The following SULT1E1 variants were observed in gnomAD, a reference collection of about 807,000 sequenced individuals.
SULT1E1 encodes sulfotransferase family 1E member 1, also known as sulfotransferase 1E1.
SULT1E1 carries 36 observed loss-of-function variants against 33.6 expected under a neutral mutation model. The observed-to-expected ratio is 1.07, with a 90% CI of 0.82 to 1.41. SULT1E1 has a LOEUF of 1.41. Among genes scored for constraint, SULT1E1 ranks in the 40% most tolerant of loss-of-function variants. The pLI is 0.00. For synonymous variants in SULT1E1, 121 were observed against 111.7 expected (o/e 1.08, Z -0.53); for missense variants, 371 against 345.7 (o/e 1.07, Z -0.58).
At chr4:69,851,567 G>A (rs1419440426) in intron 4 of SULT1E1, among the ~76,000 whole-genome samples, 2 of 152,254 alleles carry the variant, frequency 1.3e-5, no homozygotes, top group East Asian at 3.9e-4. Context: ...TCAGTATGGC[G>A]ATCCCTCAGG....
downstream of SULT1E1, among the ~76,000 whole-genome samples, chr4:69,837,086 CA>C (rs3077549): frequency 0.034 from 4,951 of 145,206 alleles, 249 homozygotes; most frequent in African/African-American, 0.11. Context: ...CTCCCTGTCT[CA>C]AAAAAAAAAA....
chr4:69,857,492 A>G lies in SULT1E1; in HGVS notation c.145+8T>C, dbSNP rs1390160944. On this transcript the variant is annotated splice_region_variant and intron_variant, in intron 2 of 7. Transcript: ENST00000226444. The stretch of plus-strand genomic sequence containing the variant: ...TTTAGGTGAAAAAAGAACAACAAAG[A>G]GATTTACCAGATTTAGGGTAGGTGG... The G allele has an allele frequency of 6.3e-7, 1 of 1,584,270 alleles. No individual in the cohort carries two copies.
intron 4 of SULT1E1, among the ~76,000 whole-genome samples, chr4:69,852,296 A>T (rs1721140693): frequency 6.6e-6 from 1 of 152,014 alleles, no homozygotes; most frequent in African/African-American, 2.4e-5. Flanking sequence ...GTGTAATTTT[A>T]TTGTTGGTGT....
the SULT1E1 span, among the ~76,000 whole-genome samples, chr4:69,827,887 A>T: frequency 1.3e-5 from 2 of 152,212 alleles, 1 homozygote; most frequent in Admixed American, 1.3e-4. Context: ...ACTTTAAAAA[A>T]GATTGTCCAA....
the SULT1E1 span, among the ~76,000 whole-genome samples, chr4:69,821,160 A>T: frequency 8.5e-5 from 13 of 152,224 alleles, no homozygotes; most frequent in African/African-American, 3.1e-4. Context: ...AAATTCCAAC[A>T]GAATATCATC....
intron 4 of SULT1E1, among the ~76,000 whole-genome samples, chr4:69,851,785 T>A (rs1483550468): frequency 6.6e-6 from 1 of 152,170 alleles, no homozygotes; most frequent in African/African-American, 2.4e-5. Context: ...CATAGAATAC[T>A]ATGCAGCCAT....
intron 2 of SULT1E1, 22 bp from the exon 3 acceptor site, chr4:69,855,448 G>C (rs760617116): frequency 6.3e-7 from 1 of 1,599,820 alleles, no homozygotes; most frequent in Admixed American, 1.7e-5. Context: ...AAATAAACCT[G>C]AGTCTCCTGC....
At chr4:69,843,650 T>A (rs1436725353) in intron 7 of SULT1E1, among the ~76,000 whole-genome samples, 1 of 152,182 alleles carries the variant, frequency 6.6e-6, no homozygotes, top group African/African-American at 2.4e-5. Flanking sequence ...CCAAATAGAA[T>A]TTTTTTCTCC....
chr4:69,830,596 G>A, the SULT1E1 span, among the ~76,000 whole-genome samples: 2 of 152,162 alleles, frequency 1.3e-5, no homozygotes, highest in African/African-American at 4.8e-5. Context: ...TGCTGCAGCT[G>A]GGATGCGTCA....
rs1430219567 is a variant in SULT1E1 at position 69,841,263 on chromosome 4, CTG to C, written c.*729_*730del. On this transcript the variant is annotated 3_prime_UTR_variant, in exon 8 of 8. Transcript: ENST00000226444. ...ATACAACTCTAACAAGATGAATAAT[CTG>C]TGTTACTACATCATTCCCATAGGTT... 6.6e-6 allele frequency: 1 copy of C among 151,976 alleles called. No individual in the cohort carries two copies. Among genetic ancestry groups the C allele is most frequent in the Non-Finnish European group, 1.5e-5 (1 of 67,998 alleles). 9.4% of individuals were successfully genotyped at this position (151,976 alleles called of 1,614,324 possible). A position where few individuals can be genotyped will look rare whatever the true frequency, so the allele number is the denominator to read the frequency against.
chr4:69,844,470 C>A (rs866607540), intron 6 of SULT1E1, 129 bp from the exon 7 acceptor site: 6 of 690,718 alleles, frequency 8.7e-6, no homozygotes, highest in African/African-American at 1.9e-5. Context: ...AATGAGAAAT[C>A]TAATTGGGGG....
At chr4:69,836,390 A>G (rs761030947), downstream of SULT1E1, among the ~76,000 whole-genome samples, 7 of 152,192 alleles carry the variant, frequency 4.6e-5, no homozygotes, top group Admixed American at 1.3e-4. Context: ...TTATAGAGAC[A>G]TTCTAAGGTT....
At chr4:69,825,513 T>C in the SULT1E1 span, among the ~76,000 whole-genome samples, 1 of 152,172 alleles carries the variant, frequency 6.6e-6, no homozygotes, top group African/African-American at 2.4e-5. Context: ...CAGGCACCTG[T>C]TGGCCAGTTA....
the SULT1E1 span, among the ~76,000 whole-genome samples, chr4:69,831,655 A>G: frequency 1.1e-4 from 16 of 152,268 alleles, no homozygotes; most frequent in Non-Finnish European, 1.6e-4. Context: ...CTGTCCCCAC[A>G]TTTCCTCCCT....
chr4:69,848,097 TGTG>T (rs1488693351), intron 5 of SULT1E1, among the ~76,000 whole-genome samples: 1 of 151,390 alleles, frequency 6.6e-6, no homozygotes, highest in East Asian at 1.9e-4. Flanking sequence ...GGTGTGTGTG[TGTG>T]TGTGTGTGTG....
At chr4:69,824,979 A>G in the SULT1E1 span, among the ~76,000 whole-genome samples, 1 of 152,168 alleles carries the variant, frequency 6.6e-6, no homozygotes, top group Non-Finnish European at 1.5e-5. Flanking sequence ...CACTACTTTT[A>G]AGAGCTGTAA....
At chr4:69,834,181 T>A in the SULT1E1 span, among the ~76,000 whole-genome samples, 5 of 152,274 alleles carry the variant, frequency 3.3e-5, no homozygotes, top group South Asian at 1.0e-3. Context: ...TTCTCCTATA[T>A]CCACTTCTAC....
intron 5 of SULT1E1, among the ~76,000 whole-genome samples, chr4:69,848,572 C>A (rs1051337815): frequency 6.6e-6 from 1 of 151,836 alleles, no homozygotes; most frequent in Non-Finnish European, 1.5e-5. Context: ...TTATTTCTCC[C>A]TTTGCAGTGA....
chr4:69,850,506 C>T (rs1372794448), intron 4 of SULT1E1, among the ~76,000 whole-genome samples: 2 of 152,064 alleles, frequency 1.3e-5, no homozygotes, highest in Non-Finnish European at 2.9e-5. Flanking sequence ...GTATAGCTCT[C>T]GTTTTATAGC....
Sources: allele counts gnomAD v4.1 joint callset (sites outside exome capture counted in the v4.1 genomes callset), GRCh38; gene constraint gnomAD v4.1.1; transcripts MANE v1.5; gene names NCBI Gene and HGNC (gene_info 2026-07-23, HGNC 2026-07-21).